Variants in HTR7 observed in about 807,000 individuals in gnomAD.
HTR7 encodes the protein 5-HT-7.
In HTR7, 16 loss-of-function variants were observed where a neutral mutation model predicts 34.0. That is an observed-to-expected ratio of 0.47 (90% CI 0.32 to 0.71). HTR7 has a LOEUF of 0.71. Ranked by LOEUF, HTR7 falls within the 30% of genes least tolerant of loss-of-function variation. The probability of loss-of-function intolerance (pLI) is 0.04; values close to 1 mark genes in which losing one functional copy is unlikely to be tolerated. For synonymous variants in HTR7, 265 were observed against 260.2 expected, an observed-to-expected ratio of 1.02 and a Z score of -0.18; for missense variants, 504 against 625.5, an observed-to-expected ratio of 0.81 and a Z score of 2.07.
intron 1 of HTR7, among the ~76,000 whole-genome samples, chr10:90,770,990 T>A (rs1845100694): frequency 6.6e-6 from 1 of 152,110 alleles, no homozygotes; most frequent in Non-Finnish European, 1.5e-5. Flanking sequence ...CTGAGGCCCA[T>A]AAAAGCCCCA....
intron 1 of HTR7, among the ~76,000 whole-genome samples, chr10:90,847,601 T>C (rs556549862): frequency 6.6e-6 from 1 of 152,238 alleles, no homozygotes; most frequent in African/African-American, 2.4e-5. Flanking sequence ...AAAGCAGAAC[T>C]CAGATCATCA....
At chr10:90,796,948 C>T (rs1310726264) in intron 1 of HTR7, among the ~76,000 whole-genome samples, 1 of 150,882 alleles carries the variant, frequency 6.6e-6, no homozygotes, top group Non-Finnish European at 1.5e-5. Flanking sequence ...CAAGGCGGAG[C>T]TTGCAGTGAG....
chr10:90,806,414 C>T (rs4350279), intron 1 of HTR7, among the ~76,000 whole-genome samples: 39,396 of 151,714 alleles, frequency 0.26, 5,430 homozygotes, highest in African/African-American at 0.35. Context: ...CTGGCCAACA[C>T]GGTGAAACCC....
intron 2 of HTR7, among the ~76,000 whole-genome samples, chr10:90,747,188 C>G (rs71479057): frequency 0.073 from 11,168 of 152,222 alleles, 486 homozygotes; most frequent in Middle Eastern, 0.16. Context: ...TAGCATGCTG[C>G]ATAGCATGTA....
At chr10:90,775,680 G>A (rs1845195065) in intron 1 of HTR7, among the ~76,000 whole-genome samples, 1 of 152,218 alleles carries the variant, frequency 6.6e-6, no homozygotes, top group Non-Finnish European at 1.5e-5. Flanking sequence ...CACTCAGGCT[G>A]TTCTGTAGAT....
Position 90,749,607 on chromosome 10 carries a change from T to A in HTR7, c.540-13A>T. 6.3e-7 allele frequency: 1 copy of A among 1,594,316 alleles called. No individual in the cohort carries two copies. The highest frequency in any genetic ancestry group is 8.6e-7 in the Non-Finnish European group (1 of 1,168,826). On this transcript the variant is annotated splice_polypyrimidine_tract_variant and intron_variant, in intron 1 of 3. Coordinates refer to ENST00000336152, the MANE Select transcript of HTR7 (RefSeq NM_019859.4). The surrounding 1 kb of genome is among the most constrained non-coding windows in gnomAD (Gnocchi z 4.2). ...GATCCCAAGGTACCTAGTGGAGAGA[T>A]GGAAAGATAACAGATGAACACCGTG...
At chr10:90,852,202 T>C (rs373567743) in intron 1 of HTR7, among the ~76,000 whole-genome samples, 1 of 135,252 alleles carries the variant, frequency 7.4e-6, no homozygotes, top group Non-Finnish European at 1.6e-5. Context: ...TTATGTGAAG[T>C]AAAAAAAAAA....
intron 1 of HTR7, among the ~76,000 whole-genome samples, chr10:90,762,414 T>C (rs777398482): frequency 3.8e-4 from 58 of 152,232 alleles, no homozygotes; most frequent in Non-Finnish European, 4.1e-4. Flanking sequence ...CATGTACCTG[T>C]TGTCCATATG....
At chr10:90,760,157 C>T (rs1030367170) in intron 1 of HTR7, among the ~76,000 whole-genome samples, 1 of 152,090 alleles carries the variant, frequency 6.6e-6, no homozygotes, top group Non-Finnish European at 1.5e-5. Flanking sequence ...GGTGTATATA[C>T]ACAATTAAAT....
intron 1 of HTR7, among the ~76,000 whole-genome samples, chr10:90,776,223 A>G (rs1845207742): frequency 6.6e-6 from 1 of 152,254 alleles, no homozygotes; most frequent in South Asian, 2.1e-4. Flanking sequence ...GTACTATTTC[A>G]TGTCTGTAAT....
intron 1 of HTR7, among the ~76,000 whole-genome samples, chr10:90,777,007 T>C (rs1845225878): frequency 6.6e-6 from 1 of 152,196 alleles, no homozygotes; most frequent in South Asian, 2.1e-4. Context: ...ATATATCAGA[T>C]AGGAATGTTT....
chr10:90,777,711 C>T (rs1845241165), intron 1 of HTR7, among the ~76,000 whole-genome samples: 1 of 152,190 alleles, frequency 6.6e-6, no homozygotes, highest in South Asian at 2.1e-4. Flanking sequence ...GCAACTATCT[C>T]AACTGAAAGC....
chr10:90,806,472 G>A (rs572389159), intron 1 of HTR7, among the ~76,000 whole-genome samples: 36 of 152,180 alleles, frequency 2.4e-4, no homozygotes, highest in Admixed American at 4.6e-4. Flanking sequence ...GGTGGCGGGC[G>A]CCTGTAGTCT....
rs1316391224 is a variant in HTR7, at chr10:90,748,955, G to A, written c.1179C>T (p.Thr393=). ...GGCACTGGAGCAGGCTGCGATAGGTGGTCCTCAGGTCCCGGTTGAAGAAGG... is the reference window on the plus strand; with the variant it reads ...GGCACTGGAGCAGGCTGCGATAGGTAGTCCTCAGGTCCCGGTTGAAGAAGG... ...IYAFFNRDLR[T]TYRSLLQCQY... Residue 393 remains threonine (T), a synonymous_variant, in exon 2 of 4, where the codon ACC becomes ACT. Coordinates refer to ENST00000336152, the MANE Select transcript of HTR7 (RefSeq NM_019859.4). 6.2e-7 allele frequency: 1 copy of A among 1,614,156 alleles called. No homozygotes were observed. Among genetic ancestry groups the A allele is most frequent in the East Asian group, 2.2e-5 (1 of 44,878 alleles).
intron 1 of HTR7, among the ~76,000 whole-genome samples, chr10:90,765,260 G>A (rs998427185): frequency 3.3e-5 from 5 of 151,994 alleles, no homozygotes; most frequent in Non-Finnish European, 7.4e-5. Context: ...AGTTTTGATA[G>A]CTTGTATGTT....
At chr10:90,793,380 T>C (rs908627691) in intron 1 of HTR7, among the ~76,000 whole-genome samples, 3 of 151,498 alleles carry the variant, frequency 2.0e-5, no homozygotes, top group Non-Finnish European at 2.9e-5. Flanking sequence ...TTAATAACCA[T>C]AGAAGAGGAT....
chr10:90,856,529 C>G (rs1406602631), intron 1 of HTR7, among the ~76,000 whole-genome samples: 2 of 152,198 alleles, frequency 1.3e-5, no homozygotes, highest in African/African-American at 4.8e-5. Flanking sequence ...CCATTCAGAC[C>G]TGGAGGAAGG....
chr10:90,812,159 C>A (rs554478307), intron 1 of HTR7, among the ~76,000 whole-genome samples: 1 of 152,336 alleles, frequency 6.6e-6, no homozygotes, highest in South Asian at 2.1e-4. Flanking sequence ...CATTTGAGCT[C>A]CTGTATAGAC....
rs1846339238 is a variant in HTR7, at chr10:90,842,193, G to A, written c.539+14940C>T. On this transcript the variant is annotated intron_variant, in intron 1 of 3. Transcript: ENST00000336152. ...GGATGGGATTAGCAACCTCATAAAA[G>A]GGCTGGAGTAAATTTGCTAGGCCCT... 2.0e-5 allele frequency among the ~76,000 whole-genome samples: 3 copies of A among 152,116 alleles called. No homozygotes were observed. In the South Asian group the frequency reaches 6.2e-4, roughly 32 times the overall value.
Sources: gnomAD v4.1 joint callset for allele counts (sites outside exome capture counted in the v4.1 genomes callset) on GRCh38, gnomAD v4.1.1 for gene constraint, Gnocchi (gnomAD v3.1) non-coding constraint, MANE v1.5 for transcripts, NCBI Gene and HGNC (gene_info 2026-07-23, HGNC 2026-07-21) for gene names.